The following SLC39A6 variants were observed in gnomAD, a reference collection of about 807,000 sequenced individuals.
The protein encoded by SLC39A6 is zinc transporter ZIP6.
A neutral mutation model predicts 63.5 loss-of-function variants in SLC39A6; 51 were observed. That is an observed-to-expected ratio of 0.80 (90% CI 0.64 to 1.01). The LOEUF (loss-of-function observed/expected upper bound fraction) is 1.01. Among genes scored for constraint, SLC39A6 ranks in the 50% least tolerant of loss-of-function variants. The pLI, the probability that SLC39A6 is intolerant of heterozygous loss-of-function variation, is 0.00. For synonymous variants in SLC39A6, 318 were observed against 324.7 expected (o/e 0.98, Z 0.22); for missense variants, 805 against 927.8 (o/e 0.87, Z 1.72).
chr18:36,120,437 T>C (rs2089383560), intron 5 of SLC39A6, among the ~76,000 whole-genome samples: 1 of 152,204 alleles, frequency 6.6e-6, no homozygotes, highest in Non-Finnish European at 1.5e-5. Flanking sequence ...TCAAAATTTT[T>C]AATTTGAGAT....
intron 7 of SLC39A6, among the ~76,000 whole-genome samples, chr18:36,113,098 T>C (rs1239046128): frequency 2.4e-5 from 3 of 127,532 alleles, no homozygotes; most frequent in Non-Finnish European, 5.1e-5. Context: ...TGTGCATATA[T>C]ATTTTTTTTT....
intron 5 of SLC39A6, among the ~76,000 whole-genome samples, chr18:36,117,167 G>A (rs1320245761): frequency 2.6e-5 from 4 of 152,174 alleles, no homozygotes; most frequent in African/African-American, 7.2e-5. Context: ...AACTCGGGAG[G>A]TGGAGGTTGC....
chr18:36,121,377 G>A (rs553477198), intron 5 of SLC39A6, among the ~76,000 whole-genome samples: 1 of 152,160 alleles, frequency 6.6e-6, no homozygotes, highest in South Asian at 2.1e-4. Flanking sequence ...GGCTGGTCTC[G>A]AACTCCTGGC....
intron 4 of SLC39A6, among the ~76,000 whole-genome samples, chr18:36,122,807 A>G (rs1268146397): frequency 6.6e-6 from 1 of 152,212 alleles, no homozygotes; most frequent in Non-Finnish European, 1.5e-5. Context: ...TACACCCCAT[A>G]CACACGCCAC....
At chr18:36,112,785 T>C (rs533377688) in intron 7 of SLC39A6, among the ~76,000 whole-genome samples, 11 of 152,300 alleles carry the variant, frequency 7.2e-5, no homozygotes, top group Non-Finnish European at 1.5e-4. Flanking sequence ...ACATCGGGCA[T>C]GAAAGAGAAG....
chr18:36,121,432 C>T (rs998810253), intron 5 of SLC39A6, among the ~76,000 whole-genome samples: 1 of 152,184 alleles, frequency 6.6e-6, no homozygotes, highest in Non-Finnish European at 1.5e-5. Context: ...GCTGGGATTA[C>T]AGGCATGAAC....
chr18:36,123,146 A>C (rs1195638277), intron 4 of SLC39A6, among the ~76,000 whole-genome samples: 3 of 152,248 alleles, frequency 2.0e-5, no homozygotes, highest in Non-Finnish European at 4.4e-5. Flanking sequence ...TCTTGGGTAC[A>C]TAAAGGGTCA....
intron 7 of SLC39A6, 48 bp from the exon 8 acceptor site, chr18:36,112,629 T>C: frequency 1.4e-6 from 2 of 1,430,322 alleles, no homozygotes; most frequent in Non-Finnish European, 2.0e-6. Flanking sequence ...AATTTGTGTT[T>C]TTTAATCTTA....
In SLC39A6 at chr18:36,109,607, G is replaced by A. The variant is rs201226313; in HGVS notation, c.2254C>T (p.Arg752Cys). ...ISIFEHKIVF[R>C]INF The stretch of plus-strand genomic sequence containing the variant: ...TTAAACCTTAACTAGAAATTTATAC[G>A]AAACACGATTTTATGTTCAAATATG... The change falls in exon 10 of 10, where the codon CGT becomes TGT. Residue 752 changes from arginine to cysteine, a missense_variant. Physicochemically the swap from Arg to Cys is radical, Grantham distance 180. Around this residue, in one of 4 missense-constraint regions of SLC39A6, gnomAD observed 145 missense variants for 227.2 expected, o/e 0.64. Coordinates refer to ENST00000269187, the MANE Select transcript of SLC39A6 (RefSeq NM_012319.4). The A allele has an allele frequency of 1.9e-4, 305 of 1,606,410 alleles. No homozygotes were observed. The highest frequency in any genetic ancestry group is 2.4e-4 in the Non-Finnish European group (279 of 1,175,618).
chr18:36,115,975 T>C (rs182345047), intron 6 of SLC39A6, among the ~76,000 whole-genome samples: 27 of 152,302 alleles, frequency 1.8e-4, no homozygotes, highest in Admixed American at 5.2e-4. Flanking sequence ...ACAAGTACCA[T>C]TTTGCGGTAT....
chr18:36,117,465 A>C (rs80267107), intron 5 of SLC39A6, among the ~76,000 whole-genome samples: 1 of 152,202 alleles, frequency 6.6e-6, no homozygotes, highest in African/African-American at 2.4e-5. Context: ...CCCTGAATTC[A>C]TCACTGGGCT....
intron 8 of SLC39A6, among the ~76,000 whole-genome samples, chr18:36,111,692 C>T (rs1027938478): frequency 2.6e-5 from 4 of 152,122 alleles, no homozygotes; most frequent in Admixed American, 2.6e-4. Flanking sequence ...ACCATGTTGA[C>T]CAGGGTGGTT....
At chr18:36,124,068 C>T (rs1280592465) in intron 3 of SLC39A6, among the ~76,000 whole-genome samples, 2 of 151,696 alleles carry the variant, frequency 1.3e-5, no homozygotes, top group Non-Finnish European at 2.9e-5. Context: ...GAGGAAGAAA[C>T]CAGGAATTCA....
chr18:36,114,106 G>T lies in SLC39A6; in HGVS notation c.1834C>A (p.Leu612Ile), dbSNP rs752690867. 12 of 1,597,690 alleles carry T rather than the reference G, an allele frequency of 7.5e-6. No homozygotes were observed. The Admixed American group carries it at 1.2e-4, about 16-fold the overall frequency. ...GDGLHNFSDGLAIGAAFTEGL... is the reference protein window; with the variant it reads ...GDGLHNFSDGIAIGAAFTEGL... The stretch of plus-strand genomic sequence containing the variant: ...ATATGTAGATATATACCAATTGCTA[G>T]GCCATCGCTGAAATTGTGCAGGCCA... The change falls in exon 7 of 10, where the codon CTA becomes ATA. Residue 612 changes from leucine (L) to isoleucine (I), a missense_variant. Physicochemically the swap from Leu to Ile is conservative, Grantham distance 5. This residue lies in a region of SLC39A6 where 145 missense variants were observed against 227.2 expected (regional missense o/e 0.64). Transcript: ENST00000269187.
At chr18:36,113,193 C>T (rs1003719962) in intron 7 of SLC39A6, among the ~76,000 whole-genome samples, 2 of 152,022 alleles carry the variant, frequency 1.3e-5, no homozygotes, top group East Asian at 3.9e-4. Flanking sequence ...CTCCCGGGCT[C>T]AAGCGTTCCA....
chr18:36,108,704 AGT>A lies in SLC39A6; in HGVS notation c.*887_*888del, dbSNP rs1166960898. On this transcript the variant is annotated 3_prime_UTR_variant, in exon 10 of 10. Transcript: ENST00000269187. ...AATCGAATCAAATGATACTTAGTGT[AGT>A]TTTAATATCCTCATATATATCAAAG... 8 of 152,204 alleles carry A rather than the reference AGT, an allele frequency of 5.3e-5. No individual in the cohort carries two copies. 9.4% of individuals were successfully genotyped at this position (152,204 alleles called of 1,614,324 possible).
intron 8 of SLC39A6, among the ~76,000 whole-genome samples, chr18:36,111,742 C>T (rs1414084853): frequency 6.6e-6 from 1 of 152,200 alleles, no homozygotes; most frequent in African/African-American, 2.4e-5. Context: ...GCCCCGGCCT[C>T]CCGAAGTGCT....
At chr18:36,110,763 A>G (rs1384356444) in intron 9 of SLC39A6, among the ~76,000 whole-genome samples, 2 of 152,120 alleles carry the variant, frequency 1.3e-5, no homozygotes, top group Non-Finnish European at 2.9e-5. Context: ...CCTGGTCTCG[A>G]ACTCCTGACC....
chr18:36,121,869 G>A (rs1051385316), intron 5 of SLC39A6, among the ~76,000 whole-genome samples, 183 bp downstream of exon 5: 3 of 152,246 alleles, frequency 2.0e-5, no homozygotes, highest in African/African-American at 7.2e-5. Flanking sequence ...AAACTTCAGA[G>A]CTATTAAGAT....
Sources: gnomAD v4.1 joint callset for allele counts (sites outside exome capture counted in the v4.1 genomes callset) on GRCh38, gnomAD v4.1.1 for gene constraint, gnomAD v4.1.1 regional missense constraint, MANE v1.5 for transcripts, NCBI Gene and HGNC (gene_info 2026-07-23, HGNC 2026-07-21) for gene names.